The following VOPP1 variants were observed in gnomAD, a reference collection of about 807,000 sequenced individuals.
VOPP1 encodes VOPP1 WW domain binding protein.
VOPP1 carries 8 observed loss-of-function variants against 23.5 expected under a neutral mutation model. The ratio of observed to expected loss-of-function variants is 0.34; its 90% confidence interval spans 0.20 to 0.61. VOPP1 has a LOEUF of 0.61. VOPP1 is among the 20% of genes least tolerant of loss of function. VOPP1 has a pLI of 0.78. For synonymous variants in VOPP1, 83 were observed against 97.3 expected (o/e 0.85, Z 0.86); for missense variants, 174 against 238.1 (o/e 0.73, Z 1.77).
In VOPP1 at chr7:55,472,833, C is replaced by G. The variant is rs1791921499; in HGVS notation, c.*22G>C. 1.3e-5 allele frequency: 14 copies of G among 1,066,006 alleles called. No homozygotes were observed. Among genetic ancestry groups the G allele is most frequent in the Non-Finnish European group, 1.8e-5 (14 of 784,082 alleles). 66.0% of individuals were successfully genotyped at this position (1,066,006 alleles called of 1,614,324 possible). On this transcript the variant is annotated 3_prime_UTR_variant, in exon 5 of 5. Coordinates refer to ENST00000285279, the MANE Select transcript of VOPP1 (RefSeq NM_030796.5). Reference sequence around the variant, plus strand: ...CAGGGAAAGGCCCTCTCCTGTCTCTCCTCTTGCACGTGGGCACCCCACTAC... The same window carrying G: ...CAGGGAAAGGCCCTCTCCTGTCTCTGCTCTTGCACGTGGGCACCCCACTAC...
rs1187470631 is a variant in VOPP1 at position 55,472,933 on chromosome 7, C to T, written c.441G>A (p.Gly147=). ...CTGGAGGGGGCGGGCAGGCCACACT[C>T]CCCTGGGGTGAGTTGGGTGGGACCT... The part of the protein sequence containing the change: ...AFQVPPNSPQ[G]SVACPPPPAY... The change falls in exon 5 of 5, where the codon GGG becomes GGA. Residue 147 remains glycine (G), a synonymous_variant. Transcript: ENST00000285279. The T allele has an allele frequency of 1.9e-6, 3 of 1,578,348 alleles. No individual in the cohort carries two copies. In the East Asian group the frequency reaches 7.1e-5, roughly 37 times the overall value.
intron 1 of VOPP1, among the ~76,000 whole-genome samples, chr7:55,563,480 C>A (rs2129056640): frequency 6.6e-6 from 1 of 152,284 alleles, no homozygotes; most frequent in Middle Eastern, 3.4e-3. Flanking sequence ...AACAAGATCA[C>A]ACAGGTTGAG....
At chr7:55,520,173 C>T (rs1018055435) in intron 2 of VOPP1, among the ~76,000 whole-genome samples, 50 of 151,978 alleles carry the variant, frequency 3.3e-4, no homozygotes, top group Non-Finnish European at 1.5e-4. Context: ...TATGTTCTGG[C>T]AGATTAAAAA....
intron 1 of VOPP1, among the ~76,000 whole-genome samples, chr7:55,569,021 G>A (rs1269318263): frequency 6.6e-6 from 1 of 152,212 alleles, no homozygotes; most frequent in Non-Finnish European, 1.5e-5. Context: ...TGCCACATTC[G>A]TGGCCTGGGT....
chr7:55,443,326 G>A (rs1315362873), intron 4 of VOPP1, among the ~76,000 whole-genome samples: 5 of 151,782 alleles, frequency 3.3e-5, no homozygotes, highest in African/African-American at 4.8e-5. Flanking sequence ...AGGCTGATGC[G>A]GGCGGATCAC....
At chr7:55,497,404 C>T (rs1158537359) in intron 3 of VOPP1, among the ~76,000 whole-genome samples, 1 of 152,182 alleles carries the variant, frequency 6.6e-6, no homozygotes, top group Non-Finnish European at 1.5e-5. Context: ...CTCCAAAATC[C>T]GTGAAAACAA....
intron 1 of VOPP1, among the ~76,000 whole-genome samples, chr7:55,568,502 A>AT (rs1798238591): frequency 6.6e-6 from 1 of 152,218 alleles, no homozygotes; most frequent in Admixed American, 6.5e-5. Flanking sequence ...GATAATGAGT[A>AT]GTCCCTTAAC....
chr7:55,449,312 C>T (rs1302307797), intron 4 of VOPP1, among the ~76,000 whole-genome samples: 5 of 152,182 alleles, frequency 3.3e-5, no homozygotes, highest in Non-Finnish European at 7.4e-5. Flanking sequence ...GCCTTCCGGG[C>T]CCAGGAGGCC....
At chr7:55,466,079 A>G (rs1406035292), downstream of VOPP1, among the ~76,000 whole-genome samples, 3 of 152,216 alleles carry the variant, frequency 2.0e-5, no homozygotes, top group Non-Finnish European at 1.5e-5. Context: ...CCTTTCTGCC[A>G]AGTGACTGTG....
chr7:55,496,700 C>T (rs1238958682), intron 3 of VOPP1, among the ~76,000 whole-genome samples: 1 of 152,222 alleles, frequency 6.6e-6, no homozygotes, highest in Non-Finnish European at 1.5e-5. Flanking sequence ...AAACCCTGGG[C>T]ACAGGTGTTA....
intron 1 of VOPP1, among the ~76,000 whole-genome samples, chr7:55,537,982 G>A (rs543298775): frequency 2.2e-4 from 33 of 152,292 alleles, no homozygotes; most frequent in Admixed American, 1.8e-3. Context: ...CAGCCAGCAA[G>A]GAGGCCCCAG....
intron 4 of VOPP1, among the ~76,000 whole-genome samples, chr7:55,481,761 G>T (rs1792729894): frequency 6.6e-6 from 1 of 152,276 alleles, no homozygotes; most frequent in African/African-American, 2.4e-5. Flanking sequence ...GCTCAGCAGG[G>T]GACACGAAGG....
At chr7:55,530,301 CTCA>C (rs1419701910) in intron 1 of VOPP1, among the ~76,000 whole-genome samples, 5 of 152,118 alleles carry the variant, frequency 3.3e-5, no homozygotes, top group African/African-American at 4.8e-5. Flanking sequence ...GTACTGGTAT[CTCA>C]TCGTGATTTT....
downstream of VOPP1, among the ~76,000 whole-genome samples, chr7:55,466,422 T>C (rs1359821691): frequency 6.6e-6 from 1 of 152,208 alleles, no homozygotes; most frequent in Non-Finnish European, 1.5e-5. Flanking sequence ...GGAAGAGTTC[T>C]GCTTTATGAC....
chr7:55,499,379 G>A (rs1384915462), intron 2 of VOPP1, among the ~76,000 whole-genome samples: 2 of 152,190 alleles, frequency 1.3e-5, no homozygotes, highest in East Asian at 3.9e-4. Context: ...TTGAACCCAG[G>A]AGGCAGAGGT....
At chr7:55,535,348 G>A (rs1200120258) in intron 1 of VOPP1, among the ~76,000 whole-genome samples, 2 of 152,180 alleles carry the variant, frequency 1.3e-5, no homozygotes, top group African/African-American at 4.8e-5. Context: ...AAAAGAGTGG[G>A]GCTGACTGAT....
intron 4 of VOPP1, among the ~76,000 whole-genome samples, chr7:55,489,561 A>G (rs1793410414): frequency 6.6e-6 from 1 of 152,126 alleles, no homozygotes; most frequent in Admixed American, 6.5e-5. Flanking sequence ...CGGGTGCTGG[A>G]GCTGTGCATG....
At chr7:55,440,305 C>G in intron 4 of VOPP1, among the ~76,000 whole-genome samples, 1 of 152,170 alleles carries the variant, frequency 6.6e-6, no homozygotes, top group Non-Finnish European at 1.5e-5. Flanking sequence ...TTAGAGGGGC[C>G]CTGGCATCAG....
At chr7:55,555,172 A>C (rs997774417) in intron 1 of VOPP1, among the ~76,000 whole-genome samples, 2 of 152,200 alleles carry the variant, frequency 1.3e-5, no homozygotes, top group Admixed American at 1.3e-4. Flanking sequence ...AACTTGGAGA[A>C]GTAGTGGAGG....
Sources: gnomAD v4.1 joint callset for allele counts (sites outside exome capture counted in the v4.1 genomes callset) on GRCh38, gnomAD v4.1.1 for gene constraint, MANE v1.5 for transcripts, NCBI Gene and HGNC (gene_info 2026-07-23, HGNC 2026-07-21) for gene names.